Variants in FBXL20 observed in about 807,000 individuals in gnomAD.
The protein encoded by FBXL20 is F-box and leucine rich repeat protein 20.
FBXL20 carries 11 observed loss-of-function variants against 64.0 expected under a neutral mutation model. That is an observed-to-expected ratio of 0.17 (90% CI 0.11 to 0.28). FBXL20 has a LOEUF of 0.28. Among genes scored for constraint, FBXL20 ranks in the 10% least tolerant of loss-of-function variants. The pLI is 1.00. For missense variants in FBXL20, 303 were observed against 526.2 expected (o/e 0.58, Z 4.15); for synonymous variants, 184 against 189.0 (o/e 0.97, Z 0.22).
chr17:39,333,935 G>A (rs1210052629), intron 2 of FBXL20, among the ~76,000 whole-genome samples: 1 of 152,030 alleles, frequency 6.6e-6, no homozygotes, highest in Non-Finnish European at 1.5e-5. Flanking sequence ...GAAGTGAGGA[G>A]CCCCTCTGCC....
rs71372113 is a variant in FBXL20, at chr17:39,363,810, CAAAA to C, written c.43-20573_43-20570del. On this transcript the variant is annotated intron_variant, in intron 1 of 14. Coordinates refer to ENST00000264658, the MANE Select transcript of FBXL20 (RefSeq NM_032875.3). ...TGGGTGACAGAGCAAGACTTTATCT[CAAAA>C]AAAAAAAAAAAACAAAAAACAAAAA... Among the ~76,000 whole-genome samples, 225 of 26,406 alleles carry C rather than the reference CAAAA, an allele frequency of 8.5e-3. 5 individuals carry two copies. The highest frequency in any genetic ancestry group is 0.029 in the African/African-American group (117 of 4,038). 17.3% of individuals were successfully genotyped at this position (26,406 alleles called of 152,430 possible).
chr17:39,312,817 C>G (rs1207897031), intron 2 of FBXL20, among the ~76,000 whole-genome samples: 2 of 151,020 alleles, frequency 1.3e-5, no homozygotes, highest in Non-Finnish European at 2.9e-5. Context: ...ACCTCGTGAT[C>G]CGCCTGCCTC....
chr17:39,281,435 C>T lies in FBXL20; in HGVS notation c.650G>A (p.Gly217Asp). 1 of 1,613,590 alleles carries T rather than the reference C, an allele frequency of 6.2e-7. No homozygotes were observed. Among genetic ancestry groups the T allele is most frequent in the Non-Finnish European group, 8.5e-7 (1 of 1,179,790 alleles). The change falls in exon 9 of 15, where the codon GGT (glycine) becomes GAT (aspartate). Residue 217 changes from glycine to aspartate, a missense_variant. Around this residue, in one of 3 missense-constraint regions of FBXL20, gnomAD observed 246 missense variants for 422.6 expected, o/e 0.58. Coordinates refer to ENST00000264658, the MANE Select transcript of FBXL20 (RefSeq NM_032875.3). Reference sequence around the variant, plus strand: ...AGTCACCAGTTCAGGGCAGTGTGCACCTATGTACTTGAGAGCTTCATCTTC... The same window carrying T: ...AGTCACCAGTTCAGGGCAGTGTGCATCTATGTACTTGAGAGCTTCATCTTC... ...QLEDEALKYI[G>D]AHCPELVTLN...
intron 6 of FBXL20, among the ~76,000 whole-genome samples, chr17:39,296,404 C>T (rs749033484): frequency 1.3e-4 from 20 of 151,438 alleles, no homozygotes; most frequent in Non-Finnish European, 2.7e-4. Flanking sequence ...ACTAAAAATA[C>T]AAAAAATAAG....
intron 1 of FBXL20, among the ~76,000 whole-genome samples, chr17:39,398,140 G>A (rs2048205211): frequency 6.7e-6 from 1 of 149,384 alleles, no homozygotes; most frequent in Non-Finnish European, 1.5e-5. Context: ...AAATTAGCCG[G>A]GCATGGTGGC....
intron 1 of FBXL20, among the ~76,000 whole-genome samples, chr17:39,347,263 C>T (rs1242048863): frequency 1.3e-5 from 2 of 152,186 alleles, no homozygotes; most frequent in Non-Finnish European, 2.9e-5. Context: ...TGAGGAATCG[C>T]CACACTGTCT....
intron 2 of FBXL20, among the ~76,000 whole-genome samples, chr17:39,338,520 A>G (rs1473677024): frequency 7.0e-6 from 1 of 142,596 alleles, no homozygotes; most frequent in Non-Finnish European, 1.5e-5. Context: ...GAGAAACACC[A>G]GAATGATCAA....
intron 1 of FBXL20, among the ~76,000 whole-genome samples, chr17:39,364,394 C>T (rs548498474): frequency 2.0e-5 from 3 of 152,202 alleles, no homozygotes; most frequent in African/African-American, 7.2e-5. Flanking sequence ...GAGTGGATTG[C>T]TTGAGGCCAG....
At chr17:39,343,995 C>T (rs1567889324) in intron 1 of FBXL20, among the ~76,000 whole-genome samples, 2 of 152,114 alleles carry the variant, frequency 1.3e-5, no homozygotes, top group Non-Finnish European at 2.9e-5. Flanking sequence ...TCCCAAGTAG[C>T]TGGGATTACA....
Position 39,258,054 on chromosome 17 carries a change from G to C in FBXL20, c.*3406C>G, listed in dbSNP as rs1000473491. The C allele has an allele frequency of 2.0e-5, 3 of 152,178 alleles. No homozygotes were observed. The highest frequency in any genetic ancestry group is 7.2e-5 in the African/African-American group (3 of 41,424). 9.4% of individuals were successfully genotyped at this position (152,178 alleles called of 1,614,324 possible). ...GTAATTCCTCCTTGCCCACCTGTAG[G>C]TTTACGGCAGTAGTTTTGAGGGTAC... On this transcript the variant is annotated 3_prime_UTR_variant, in exon 15 of 15. Transcript: ENST00000264658.
At chr17:39,341,281 T>TAATCATG (rs2047580616) in intron 2 of FBXL20, among the ~76,000 whole-genome samples, 1 of 152,164 alleles carries the variant, frequency 6.6e-6, no homozygotes, top group Non-Finnish European at 1.5e-5. Context: ...TAAATGATAG[T>TAATCATG]TAGATTCCCT....
intron 1 of FBXL20, among the ~76,000 whole-genome samples, chr17:39,362,790 T>C (rs539095241): frequency 6.6e-6 from 1 of 151,462 alleles, no homozygotes; most frequent in Admixed American, 6.6e-5. Flanking sequence ...CTAGTTTTTT[T>C]GTATTTTTAG....
At chr17:39,335,701 CTAAG>C (rs1205499682) in intron 2 of FBXL20, among the ~76,000 whole-genome samples, 5 of 152,010 alleles carry the variant, frequency 3.3e-5, no homozygotes, top group Non-Finnish European at 5.9e-5. Context: ...AGTGGTACCG[CTAAG>C]TAAGTACATA....
rs2046733193 is a variant in FBXL20, at chr17:39,260,226, T to C, written c.*1234A>G. The C allele has an allele frequency of 6.6e-6, 1 of 152,172 alleles. No homozygotes were observed. The highest frequency in any genetic ancestry group is 1.5e-5 in the Non-Finnish European group (1 of 68,036). The allele number at this position is 152,172 out of a possible 1,614,324, so 9.4% of individuals were successfully genotyped here. A position where few individuals can be genotyped will look rare whatever the true frequency, so the allele number is the denominator to read the frequency against. ...TGGCATTCCTGTTAAAACAACCTCA[T>C]AGGTCAGAGATGCCACTGATCACTC... On this transcript the variant is annotated 3_prime_UTR_variant, in exon 15 of 15. Transcript: ENST00000264658.
chr17:39,323,955 G>C (rs375165143), intron 2 of FBXL20, among the ~76,000 whole-genome samples: 1 of 144,780 alleles, frequency 6.9e-6, no homozygotes, highest in Non-Finnish European at 1.5e-5. Flanking sequence ...TAGTAGAGAC[G>C]GGGTTTCACC....
At chr17:39,361,499 C>G (rs974543040) in intron 1 of FBXL20, among the ~76,000 whole-genome samples, 4 of 152,040 alleles carry the variant, frequency 2.6e-5, no homozygotes, top group African/African-American at 4.8e-5. Context: ...CTTCTCAAAA[C>G]AAGAAGAAAT....
chr17:39,261,344 C>G lies in FBXL20; in HGVS notation c.*116G>C. 1 of 830,392 alleles carries G rather than the reference C, an allele frequency of 1.2e-6. No homozygotes were observed. The highest frequency in any genetic ancestry group is 2.1e-6 in the Non-Finnish European group (1 of 477,140). 51.4% of individuals were successfully genotyped at this position (830,392 alleles called of 1,614,324 possible). ...GCTCTGGGGATCTGGACACTGCCCT[C>G]CCTCACTTTGTAACCCTTGCTCAGA... is the stretch of plus-strand genomic sequence containing the variant. On this transcript the variant is annotated 3_prime_UTR_variant, in exon 15 of 15. Transcript: ENST00000264658.
chr17:39,370,310 G>A (rs1567899467), intron 1 of FBXL20, among the ~76,000 whole-genome samples: 1 of 150,910 alleles, frequency 6.6e-6, no homozygotes, highest in Non-Finnish European at 1.5e-5. Context: ...GGCCAACATG[G>A]CAAAACCCAG....
At chr17:39,371,712 G>A (rs1443417807) in intron 1 of FBXL20, among the ~76,000 whole-genome samples, 4 of 151,190 alleles carry the variant, frequency 2.6e-5, no homozygotes, top group African/African-American at 9.7e-5. Context: ...CCAGGCTGGA[G>A]TGCAGTGGCA....
Sources: allele counts gnomAD v4.1 joint callset (sites outside exome capture counted in the v4.1 genomes callset), GRCh38; gene constraint gnomAD v4.1.1; regional missense constraint gnomAD v4.1.1; transcripts MANE v1.5; gene names NCBI Gene and HGNC (gene_info 2026-07-23, HGNC 2026-07-21).